Variants in DYNC2I1 observed in about 807,000 individuals in gnomAD.
DYNC2I1 encodes the protein dynein 2 intermediate chain 1.
A neutral mutation model predicts 133.4 loss-of-function variants in DYNC2I1; 89 were observed. The ratio of observed to expected loss-of-function variants is 0.67; its 90% CI spans 0.56 to 0.80. The LOEUF is 0.80. DYNC2I1 is among the 30% of genes least tolerant of loss of function. The pLI is 0.00. For missense variants in DYNC2I1, 1,291 were observed against 1,314.5 expected (o/e 0.98, Z 0.28); for synonymous variants, 504 against 484.3 (o/e 1.04, Z -0.54).
rs1842845613 is a variant in DYNC2I1 at position 158,871,244 on chromosome 7, A to G, written c.172A>G (p.Arg58Gly). The stretch of plus-strand genomic sequence containing the variant: ...TCCTGAACATAAGGAGCCGAGGTGC[A>G]GGGATCCCGACCAGGATGCCAGGAG... ...DLPEHKEPRC[R>G]DPDQDARSRD... is the part of the protein sequence containing the mutation. The change falls in exon 3 of 25, where the codon AGG becomes GGG. Residue 58 changes from arginine to glycine, a missense_variant. By Grantham distance (125) the Arg-to-Gly change is moderately radical. Coordinates refer to ENST00000407559, the MANE Select transcript of DYNC2I1 (RefSeq NM_018051.5). 6.2e-7 allele frequency: 1 copy of G among 1,611,266 alleles called. No individual in the cohort carries two copies. Among genetic ancestry groups the G allele is most frequent in the Non-Finnish European group, 8.5e-7 (1 of 1,178,614 alleles).
At chr7:158,923,156 A>T (rs1021811247) in intron 16 of DYNC2I1, among the ~76,000 whole-genome samples, 1 of 152,228 alleles carries the variant, frequency 6.6e-6, no homozygotes, top group African/African-American at 2.4e-5. Context: ...CCCTGGCCTC[A>T]AACCCATTGA....
At chr7:158,843,597 T>C in the DYNC2I1 span, among the ~76,000 whole-genome samples, 1 of 152,062 alleles carries the variant, frequency 6.6e-6, no homozygotes, top group African/African-American at 2.4e-5. Flanking sequence ...GGTTTTGCTA[T>C]GTTGGTCAGG....
chr7:158,943,314 A>G (rs1021705384), intron 24 of DYNC2I1, among the ~76,000 whole-genome samples: 1 of 152,210 alleles, frequency 6.6e-6, no homozygotes, highest in African/African-American at 2.4e-5. Flanking sequence ...GGATAAACAC[A>G]TTTACCCAGC....
intron 21 of DYNC2I1, among the ~76,000 whole-genome samples, chr7:158,932,526 G>A (rs1442462804): frequency 1.3e-5 from 2 of 152,158 alleles, no homozygotes; most frequent in Non-Finnish European, 2.9e-5. Flanking sequence ...CTGATGGTGA[G>A]GGAGGCAGGT....
At chr7:158,848,191 T>G in the DYNC2I1 span, among the ~76,000 whole-genome samples, 1 of 152,136 alleles carries the variant, frequency 6.6e-6, no homozygotes, top group South Asian at 2.1e-4. Context: ...CACTATAAGG[T>G]CTGTTTGCCC....
At chr7:158,845,310 T>A in the DYNC2I1 span, among the ~76,000 whole-genome samples, 1 of 152,168 alleles carries the variant, frequency 6.6e-6, no homozygotes, top group South Asian at 2.1e-4. Flanking sequence ...TACTCATAAA[T>A]TAAATAGCCC....
rs560277087 is a variant in DYNC2I1 at position 158,890,308 on chromosome 7, A to G, written c.991-957A>G. Among the ~76,000 whole-genome samples, 186 of 152,052 alleles carry G rather than the reference A, an allele frequency of 1.2e-3. 1 individual carries two copies. Among genetic ancestry groups the G allele is most frequent in the African/African-American group, 4.3e-3 (179 of 41,326 alleles). On this transcript the variant is annotated intron_variant, in intron 7 of 24. Transcript: ENST00000407559. Reference sequence around the variant, plus strand: ...TGAGGTAACCAATGGGATATTTTACATTCTTTTTTTTTCTTTTCCAGAGGA... The same window carrying G: ...TGAGGTAACCAATGGGATATTTTACGTTCTTTTTTTTTCTTTTCCAGAGGA...
intron 15 of DYNC2I1, 99 bp from the exon 16 acceptor site, chr7:158,922,278 C>A (rs771442225): frequency 4.0e-5 from 50 of 1,255,960 alleles, no homozygotes; most frequent in Non-Finnish European, 5.6e-5. Context: ...TTTGTTTCTT[C>A]ATGAAGCTGA....
intron 5 of DYNC2I1, among the ~76,000 whole-genome samples, chr7:158,883,903 A>T (rs2129479940): frequency 6.6e-6 from 1 of 151,322 alleles, no homozygotes; most frequent in Non-Finnish European, 1.5e-5. Context: ...TGACCTCGTG[A>T]TCCGCCCGCC....
chr7:158,946,036 A>G lies in DYNC2I1; in HGVS notation c.*257A>G. 1 of 328,998 alleles carries G rather than the reference A, an allele frequency of 3.0e-6. No individual in the cohort carries two copies. The highest frequency in any genetic ancestry group is 8.4e-4 in the Middle Eastern group (1 of 1,196). The allele number at this position is 328,998 out of a possible 1,614,324, so 20.4% of individuals were successfully genotyped here. A position where few individuals can be genotyped will look rare whatever the true frequency, so the allele number is the denominator to read the frequency against. ...CACGTCCAGGGTGCTCTTTTCTGAG[A>G]GTATTTCGAGTTATTTTTAGAACAG... On this transcript the variant is annotated 3_prime_UTR_variant, in exon 25 of 25. Coordinates refer to ENST00000407559, the MANE Select transcript of DYNC2I1 (RefSeq NM_018051.5).
intron 19 of DYNC2I1, 75 bp downstream of exon 19, chr7:158,926,538 GC>G: frequency 6.7e-7 from 1 of 1,498,140 alleles, no homozygotes; most frequent in Non-Finnish European, 9.2e-7. Context: ...CCTGAATGGC[GC>G]AGGGGGCGGG....
chr7:158,841,171 A>G, the DYNC2I1 span, among the ~76,000 whole-genome samples: 1 of 2,840 alleles, frequency 3.5e-4, no homozygotes, highest in African/African-American at 1.2e-3. Flanking sequence ...ATATATATAT[A>G]TATATATATA....
At chr7:158,909,963 G>A (rs974533807) in intron 11 of DYNC2I1, among the ~76,000 whole-genome samples, 1 of 152,168 alleles carries the variant, frequency 6.6e-6, no homozygotes, top group Non-Finnish European at 1.5e-5. Flanking sequence ...ATCGGGGGAG[G>A]AGGAGGAGCA....
chr7:158,922,646 G>A, intron 16 of DYNC2I1, 97 bp downstream of exon 16: 1 of 1,259,032 alleles, frequency 7.9e-7, no homozygotes, highest in Non-Finnish European at 1.1e-6. Flanking sequence ...AGAGGTGCAG[G>A]GACAGGAGGT....
chr7:158,905,140 C>CTTTTTTTTTTTTTT lies in DYNC2I1; in HGVS notation c.1358-844_1358-831dup, dbSNP rs77389434. The CTTTTTTTTTTTTTT allele has an allele frequency of 1.3e-3, 442 of 338,076 alleles. 9 individuals carry two copies. Among genetic ancestry groups the CTTTTTTTTTTTTTT allele is most frequent in the South Asian group, 2.3e-3 (102 of 44,250 alleles). 20.9% of individuals were successfully genotyped at this position (338,076 alleles called of 1,614,324 possible). On this transcript the variant is annotated intron_variant, in intron 10 of 24. Transcript: ENST00000407559. ...GTTGTTTGTTCTTGTCTTTCTTTTT[C>CTTTTTTTTTTTTTT]TTTTTTTTTTTTTTTTTTGAGACAG...
intron 7 of DYNC2I1, among the ~76,000 whole-genome samples, chr7:158,890,251 G>A (rs895510486): frequency 7.2e-5 from 11 of 152,038 alleles, no homozygotes; most frequent in Non-Finnish European, 1.0e-4. Context: ...AATAGTATCC[G>A]TGCAACCTGT....
chr7:158,899,226 A>G (rs1846014862), intron 8 of DYNC2I1, among the ~76,000 whole-genome samples: 1 of 152,224 alleles, frequency 6.6e-6, no homozygotes, highest in South Asian at 2.1e-4. Flanking sequence ...TAAAATTTGT[A>G]TTATTTTTTA....
At position 158,871,495 on chromosome 7, in the gene DYNC2I1, C is replaced by T; in HGVS notation, c.423C>T (p.His141=). Residue 141 remains histidine, a synonymous_variant, in exon 3 of 25, where the codon CAC becomes CAT. Coordinates refer to ENST00000407559, the MANE Select transcript of DYNC2I1 (RefSeq NM_018051.5). ...AGCTCCGGCAGACCGTGGCCCACCACAACCTGCTGGGCCAGGAGACACGCG... is the reference window on the plus strand; with the variant it reads ...AGCTCCGGCAGACCGTGGCCCACCATAACCTGCTGGGCCAGGAGACACGCG... ...KEELRQTVAH[H]NLLGQETRDR... 3.2e-6 allele frequency: 5 copies of T among 1,547,740 alleles called. No homozygotes were observed. Among genetic ancestry groups the T allele is most frequent in the Non-Finnish European group, 3.5e-6 (4 of 1,146,856 alleles).
At chr7:158,884,921 CT>C (rs1455858561) in intron 6 of DYNC2I1, among the ~76,000 whole-genome samples, 4 of 151,864 alleles carry the variant, frequency 2.6e-5, no homozygotes, top group Non-Finnish European at 4.4e-5. Context: ...TACTTTTGTC[CT>C]TTTTAACATT....
Sources: allele counts gnomAD v4.1 joint callset (sites outside exome capture counted in the v4.1 genomes callset), GRCh38; gene constraint gnomAD v4.1.1; transcripts MANE v1.5; gene names NCBI Gene and HGNC (gene_info 2026-07-23, HGNC 2026-07-21).